POLE3: variants seen among roughly 807,000 people sequenced by gnomAD.
The protein encoded by POLE3 is DNA polymerase epsilon 3, accessory subunit.
Under a neutral mutation model 16.1 loss-of-function variants are expected in POLE3, and 10 were observed. The observed-to-expected ratio is 0.62, with a 90% CI of 0.38 to 1.05. The LOEUF (loss-of-function observed/expected upper bound fraction) is 1.05, where lower values mean the gene tolerates loss of function less well. Ranked by LOEUF, POLE3 falls within the 50% of genes least tolerant of loss-of-function variation. The pLI is 0.01. For synonymous variants in POLE3, 83 were observed against 71.0 expected (o/e 1.17, Z -0.85); for missense variants, 169 against 185.0 (o/e 0.91, Z 0.50).
Position 113,408,795 on chromosome 9 carries a change from C to G in POLE3, c.*16G>C, listed in dbSNP as rs1827992173. Reference sequence around the variant, plus strand: ...TCAAGTGGTACCTTCCAAGGTGCCACAGTCTCCCGCCCTTTTCAGTTGTCT... The same window carrying G: ...TCAAGTGGTACCTTCCAAGGTGCCAGAGTCTCCCGCCCTTTTCAGTTGTCT... On this transcript the variant is annotated 3_prime_UTR_variant, in exon 5 of 5. Transcript: ENST00000374171. The G allele has an allele frequency of 2.5e-6, 4 of 1,605,902 alleles. No homozygotes were observed. In the African/African-American group the frequency reaches 4.0e-5, roughly 16 times the overall value.
chr9:113,410,495 A>G (rs933797177), intron 1 of POLE3, 87 bp from the exon 2 acceptor site: 83 of 606,668 alleles, frequency 1.4e-4, no homozygotes, highest in Middle Eastern at 4.3e-4. Flanking sequence ...GCGCATCCGG[A>G]TTTTGAAGCC....
chr9:113,408,716 G>T lies in POLE3; in HGVS notation c.*95C>A. 1.9e-6 allele frequency: 2 copies of T among 1,035,706 alleles called. No individual in the cohort carries two copies. The highest frequency in any genetic ancestry group is 2.9e-6 in the Non-Finnish European group (2 of 692,552). The allele number at this position is 1,035,706 out of a possible 1,614,324, so 64.2% of individuals were successfully genotyped here. The stretch of plus-strand genomic sequence containing the variant: ...GATCTTTTCAGGCACTTTTGCCTGA[G>T]ACTACTCTGCCCAGCATGGAAAAGC... On this transcript the variant is annotated 3_prime_UTR_variant, in exon 5 of 5. Transcript: ENST00000374171.
rs1182129679 is a variant in POLE3 at position 113,410,227 on chromosome 9, C to T, written c.66+1G>A. 1.2e-6 allele frequency: 2 copies of T among 1,613,672 alleles called. No individual in the cohort carries two copies. Among genetic ancestry groups the T allele is most frequent in the Admixed American group, 3.3e-5 (2 of 60,004 alleles). ...TCGTCCGCCCCCCCCGAGCTGCTCA[C>T]CGCCTCCTTGATGATCCTGGTGATC... is the stretch of plus-strand genomic sequence containing the variant. On this transcript the variant is annotated splice_donor_variant, in intron 2 of 4. Transcript: ENST00000374171. LOFTEE classifies it high-confidence loss of function.
Position 113,410,043 on chromosome 9 carries a change from T to C in POLE3, c.152+12A>G, listed in dbSNP as rs749062825. The C allele has an allele frequency of 9.6e-5, 149 of 1,551,956 alleles. No individual in the cohort carries two copies. The highest frequency in any genetic ancestry group is 3.3e-5 in the Non-Finnish European group (38 of 1,148,310). On this transcript the variant is annotated intron_variant, in intron 3 of 4. Coordinates refer to ENST00000374171, the MANE Select transcript of POLE3 (RefSeq NM_017443.5). Reference sequence around the variant, plus strand: ...TATCCCCGCGCCTCCCTTATGCCTCTGTCCCGCTCACCAGGATGTGGCGTA... The same window carrying C: ...TATCCCCGCGCCTCCCTTATGCCTCCGTCCCGCTCACCAGGATGTGGCGTA...
At chr9:113,409,037 A>C in intron 4 of POLE3, 54 bp from the exon 5 acceptor site, 1 of 1,522,668 alleles carries the variant, frequency 6.6e-7, no homozygotes, top group Non-Finnish European at 9.0e-7. Context: ...AGCCAGACGG[A>C]CTGCAGGAGC....
chr9:113,409,851 A>G (rs1828045648), intron 3 of POLE3, 123 bp from the exon 4 acceptor site: 1 of 793,960 alleles, frequency 1.3e-6, no homozygotes, highest in Admixed American at 2.0e-5. Context: ...TGTGACAGGG[A>G]TAAGTCCTTC....
chr9:113,409,435 T>G (rs562251968), intron 4 of POLE3, among the ~76,000 whole-genome samples, 175 bp downstream of exon 4: 19 of 151,474 alleles, frequency 1.3e-4, no homozygotes, highest in African/African-American at 4.6e-4. Flanking sequence ...GAAAAATAAC[T>G]TGCTCAGCAT....
In POLE3 at chr9:113,408,663, G is replaced by C; in HGVS notation, c.*148C>G. The C allele has an allele frequency of 1.5e-6, 1 of 663,418 alleles. No homozygotes were observed. The highest frequency in any genetic ancestry group is 2.6e-6 in the Non-Finnish European group (1 of 377,864). 41.1% of individuals were successfully genotyped at this position (663,418 alleles called of 1,614,324 possible). A position where few individuals can be genotyped will look rare whatever the true frequency, so the allele number is the denominator to read the frequency against. ...TCTGAGTTTGGTAAGTGCTGGTTTT[G>C]ACGGTATTTCTAGTCAGTTTTTATT... is the stretch of plus-strand genomic sequence containing the variant. On this transcript the variant is annotated 3_prime_UTR_variant, in exon 5 of 5. Transcript: ENST00000374171.
At position 113,408,922 on chromosome 9, in the gene POLE3, G is replaced by A; in HGVS notation, c.333C>T (p.Asp111=). The A allele has an allele frequency of 6.2e-7, 1 of 1,612,876 alleles. No individual in the cohort carries two copies. The highest frequency in any genetic ancestry group is 1.3e-5 in the African/African-American group (1 of 74,866). The change falls in exon 5 of 5, where the codon GAC becomes GAT. Residue 111 remains aspartate, a synonymous_variant. Coordinates refer to ENST00000374171, the MANE Select transcript of POLE3 (RefSeq NM_017443.5). ...EASEQKKKDK[D]KKTDSEEQDK... The stretch of plus-strand genomic sequence containing the variant: ...CTTGCTCTTCCGAGTCTGTTTTTTT[G>A]TCTTTGTCCTTCTTCTTTTGCTCTG...
chr9:113,409,622 C>T lies in POLE3; in HGVS notation c.259G>A (p.Glu87Lys). 6.3e-7 allele frequency: 1 copy of T among 1,598,646 alleles called. No homozygotes were observed. Among genetic ancestry groups the T allele is most frequent in the Non-Finnish European group, 8.6e-7 (1 of 1,166,044 alleles). ...AGAGGCTCGTTACCTTCCAGAGCTT[C>T]TTTCAATGGGGTAACGAACCGCTGG... ...EFQRFVTPLKEALEAYRREQK... is the reference protein window; with the variant it reads ...EFQRFVTPLKKALEAYRREQK... Residue 87 changes from glutamate (E) to lysine (K), a missense_variant, in exon 4 of 5, where the codon GAA becomes AAA. Coordinates refer to ENST00000374171, the MANE Select transcript of POLE3 (RefSeq NM_017443.5).
chr9:113,410,162 G>A lies in POLE3; in HGVS notation c.67-22C>T, dbSNP rs201818747. On this transcript the variant is annotated intron_variant, in intron 2 of 4. Coordinates refer to ENST00000374171, the MANE Select transcript of POLE3 (RefSeq NM_017443.5). ...GGAGCTGCGAGGAGACCGGGGGTGA[G>A]CAAAGCTGCCGTTCCAGCACCTGCT... 5.1e-4 allele frequency: 824 copies of A among 1,604,940 alleles called. 12 individuals are homozygous for A. Among genetic ancestry groups the A allele is most frequent in the Non-Finnish European group, 7.2e-5 (85 of 1,176,006 alleles).
Position 113,410,304 on chromosome 9 carries a change from G to A in POLE3, c.-11C>T, listed in dbSNP as rs1270119757. 6.2e-7 allele frequency: 1 copy of A among 1,612,130 alleles called. No homozygotes were observed. Among genetic ancestry groups the A allele is most frequent in the Admixed American group, 1.7e-5 (1 of 59,870 alleles). Reference sequence around the variant, plus strand: ...GGGCCTCTCCGCCATTGCCGCCGCTGGGGCTTAAACTCCCCTTCGCCTCCG... The same window carrying A: ...GGGCCTCTCCGCCATTGCCGCCGCTAGGGCTTAAACTCCCCTTCGCCTCCG... On this transcript the variant is annotated 5_prime_UTR_variant, in exon 2 of 5. Coordinates refer to ENST00000374171, the MANE Select transcript of POLE3 (RefSeq NM_017443.5).
In POLE3 at chr9:113,409,631, G is replaced by A; in HGVS notation, c.250C>T (p.Pro84Ser). The change falls in exon 4 of 5, where the codon CCA (proline) becomes TCA (serine). Residue 84 changes from proline (P) to serine (S), a missense_variant. Pro to Ser is a moderately conservative substitution (Grantham distance 74). Transcript: ENST00000374171. Reference protein sequence around the residue: ...EEMEFQRFVTPLKEALEAYRR... With the variant: ...EEMEFQRFVTSLKEALEAYRR... ...TTACCTTCCAGAGCTTCTTTCAATGGGGTAACGAACCGCTGGAACTCCATC... is the reference window on the plus strand; with the variant it reads ...TTACCTTCCAGAGCTTCTTTCAATGAGGTAACGAACCGCTGGAACTCCATC... The A allele has an allele frequency of 6.2e-7, 1 of 1,604,858 alleles. No homozygotes were observed. Among genetic ancestry groups the A allele is most frequent in the East Asian group, 2.2e-5 (1 of 44,846 alleles).
chr9:113,410,485 G>C, intron 1 of POLE3, 77 bp from the exon 2 acceptor site: 1 of 608,980 alleles, frequency 1.6e-6, no homozygotes, highest in Non-Finnish European at 2.9e-6. Flanking sequence ...TCAAATACCG[G>C]CGCATCCGGA....
In POLE3 at chr9:113,409,744, G is replaced by A; in HGVS notation, c.153-16C>T. On this transcript the variant is annotated splice_polypyrimidine_tract_variant and intron_variant, in intron 3 of 4. Coordinates refer to ENST00000374171, the MANE Select transcript of POLE3 (RefSeq NM_017443.5). ...GTTGTTAGCACTGAGAGAAGAGAAAGGCTGTCAGACTCCCTCTTGTTTGTA... is the reference window on the plus strand; with the variant it reads ...GTTGTTAGCACTGAGAGAAGAGAAAAGCTGTCAGACTCCCTCTTGTTTGTA... The A allele has an allele frequency of 6.6e-7, 1 of 1,511,174 alleles. No individual in the cohort carries two copies. Among genetic ancestry groups the A allele is most frequent in the Non-Finnish European group, 9.2e-7 (1 of 1,086,698 alleles). The allele number at this position is 1,511,174 out of a possible 1,614,324, so 93.6% of individuals were successfully genotyped here.
In POLE3 at chr9:113,410,417, T is replaced by G. The variant is rs1222038133; in HGVS notation, c.-115-9A>C. ...GTTCCGCCCCACGTGGCCTACAGTG[T>G]CCCACAGTGCTCTGAGCGCCATAGC... On this transcript the variant is annotated splice_polypyrimidine_tract_variant and intron_variant, in intron 1 of 4. Transcript: ENST00000374171. 2.4e-6 allele frequency: 2 copies of G among 842,352 alleles called. No individual in the cohort carries two copies. The highest frequency in any genetic ancestry group is 2.7e-5 in the East Asian group (1 of 37,410). The allele number at this position is 842,352 out of a possible 1,614,324, so 52.2% of individuals were successfully genotyped here.
intron 1 of POLE3, 73 bp from the exon 2 acceptor site, chr9:113,410,481 A>G: frequency 5.0e-6 from 3 of 602,796 alleles, no homozygotes; most frequent in Non-Finnish European, 8.9e-6. Context: ...CGCCTCAAAT[A>G]CCGGCGCATC....
intron 4 of POLE3, 31 bp downstream of exon 4, chr9:113,409,579 T>C: frequency 7.7e-7 from 1 of 1,294,744 alleles, no homozygotes. Context: ...GACCATCTTC[T>C]ATGTGGTTTA....
rs1480332064 is a variant in POLE3, at chr9:113,410,010, C to T, written c.152+45G>A. On this transcript the variant is annotated intron_variant, in intron 3 of 4. Transcript: ENST00000374171. Reference sequence around the variant, plus strand: ...TTGTAGGCTCCCAGCCAGCAACTCCCAGCCAGGTATCCCCGCGCCTCCCTT... The same window carrying T: ...TTGTAGGCTCCCAGCCAGCAACTCCTAGCCAGGTATCCCCGCGCCTCCCTT... 21 of 1,490,778 alleles carry T rather than the reference C, an allele frequency of 1.4e-5. No individual in the cohort carries two copies. The East Asian group carries it at 5.2e-4, about 37-fold the overall frequency. The allele number at this position is 1,490,778 out of a possible 1,614,324, so 92.3% of individuals were successfully genotyped here.
Sources: allele counts gnomAD v4.1 joint callset (sites outside exome capture counted in the v4.1 genomes callset), GRCh38; gene constraint gnomAD v4.1.1; transcripts MANE v1.5; gene names NCBI Gene and HGNC (gene_info 2026-07-23, HGNC 2026-07-21).